EYS: variants seen among roughly 807,000 people sequenced by gnomAD.
The protein encoded by EYS is EGF-like photoreceptor maintenance factor.
EYS carries 250 observed loss-of-function variants against 282.1 expected under a neutral mutation model. That is an observed-to-expected ratio of 0.89 (90% confidence interval 0.80 to 0.98). The LOEUF is 0.98. Ranked by LOEUF, EYS falls within the 50% of genes least tolerant of loss-of-function variation. The probability of loss-of-function intolerance (pLI) is 0.00; values close to 1 mark genes in which losing one functional copy is unlikely to be tolerated. For missense variants in EYS, 4,016 were observed against 3,709.0 expected (o/e 1.08, Z -2.15); for synonymous variants, 1,355 against 1,282.9 (o/e 1.06, Z -1.20).
chr6:64,569,113 G>A (rs1184374449), intron 26 of EYS, among the ~76,000 whole-genome samples: 2 of 150,638 alleles, frequency 1.3e-5, no homozygotes, highest in African/African-American at 2.4e-5. Flanking sequence ...CTCCTTGCCA[G>A]GAAGGTCACA....
intron 16 of EYS, among the ~76,000 whole-genome samples, chr6:64,912,072 T>G (rs1414044178): frequency 6.6e-6 from 1 of 152,128 alleles, no homozygotes; most frequent in African/African-American, 2.4e-5. Flanking sequence ...AGAAGTAATA[T>G]TTTGATAGCT....
chr6:64,074,298 TTGAATC>T (rs930806016), intron 32 of EYS, among the ~76,000 whole-genome samples: 9 of 151,246 alleles, frequency 6.0e-5, no homozygotes, highest in Non-Finnish European at 1.3e-4. Context: ...TCTAAGAAGT[TTGAATC>T]TGATATATTA....
chr6:65,103,456 TTTCA>T (rs1166746743), intron 12 of EYS, among the ~76,000 whole-genome samples: 1 of 151,408 alleles, frequency 6.6e-6, no homozygotes, highest in African/African-American at 2.4e-5. Context: ...TCACTGACCT[TTTCA>T]TTCAAAAATT....
intron 26 of EYS, among the ~76,000 whole-genome samples, chr6:64,445,416 A>T (rs914443595): frequency 3.9e-5 from 6 of 152,202 alleles, no homozygotes; most frequent in African/African-American, 1.4e-4. Context: ...ACCTTCCTAA[A>T]TAGAAGAAAC....
chr6:65,652,563 TA>T (rs894459468), intron 1 of EYS, among the ~76,000 whole-genome samples: 4 of 151,910 alleles, frequency 2.6e-5, no homozygotes, highest in African/African-American at 9.7e-5. Context: ...GTAGTTAGTG[TA>T]AATATAGAGA....
chr6:64,629,912 C>G (rs955411922), intron 22 of EYS, among the ~76,000 whole-genome samples: 6 of 152,124 alleles, frequency 3.9e-5, no homozygotes, highest in Non-Finnish European at 8.8e-5. Flanking sequence ...TTATTGCACT[C>G]AGTAGGACTT....
At chr6:65,052,801 A>G (rs1773312172) in intron 13 of EYS, among the ~76,000 whole-genome samples, 1 of 151,754 alleles carries the variant, frequency 6.6e-6, no homozygotes, top group Non-Finnish European at 1.5e-5. Flanking sequence ...TGCTAAGTTC[A>G]GTTTCTAAGA....
chr6:63,955,244 A>G (rs1765766300), intron 35 of EYS, among the ~76,000 whole-genome samples: 1 of 151,988 alleles, frequency 6.6e-6, no homozygotes, highest in Admixed American at 6.6e-5. Context: ...CTGTCTAATC[A>G]TACTCTTATT....
chr6:65,411,504 T>C (rs1223942822), intron 5 of EYS, among the ~76,000 whole-genome samples: 1 of 152,050 alleles, frequency 6.6e-6, no homozygotes, highest in Non-Finnish European at 1.5e-5. Context: ...TAGCATAATA[T>C]TTGGGTATAG....
intron 30 of EYS, among the ~76,000 whole-genome samples, chr6:64,300,779 A>G (rs928910164): frequency 2.0e-5 from 3 of 152,160 alleles, no homozygotes; most frequent in Admixed American, 1.3e-4. Flanking sequence ...ATCTTTATTG[A>G]CTGCTTCTAT....
intron 35 of EYS, among the ~76,000 whole-genome samples, chr6:63,927,106 G>A (rs532155269): frequency 1.3e-5 from 2 of 152,328 alleles, no homozygotes; most frequent in African/African-American, 2.4e-5. Context: ...TTCTTAGTCT[G>A]TTCTGCTCTT....
intron 12 of EYS, among the ~76,000 whole-genome samples, chr6:65,135,677 T>C (rs1282134233): frequency 6.6e-6 from 1 of 151,978 alleles, no homozygotes; most frequent in Non-Finnish European, 1.5e-5. Context: ...TTTTTAAATC[T>C]AAAATCAGAT....
At chr6:65,612,922 A>C (rs2149796059) in intron 2 of EYS, among the ~76,000 whole-genome samples, 1 of 151,860 alleles carries the variant, frequency 6.6e-6, no homozygotes, top group East Asian at 1.9e-4. Flanking sequence ...CAATTTTATC[A>C]AAAATATGAA....
Position 64,628,092 on chromosome 6 carries a change from A to G in EYS, c.3444-1847T>C, listed in dbSNP as rs561069604. Among the ~76,000 whole-genome samples the G allele has an allele frequency of 2.6e-5, 4 of 151,932 alleles. No individual in the cohort carries two copies. The East Asian group carries it at 7.8e-4, about 30-fold the overall frequency. On this transcript the variant is annotated intron_variant, in intron 22 of 42. Coordinates refer to ENST00000503581, the MANE Select transcript of EYS (RefSeq NM_001142800.2). ...GAGACTCCGTCTCAAAAACAAAAAC[A>G]AACAAACAAACAAACAAACAAAGAC...
At chr6:65,506,508 T>G (rs1766665513) in intron 2 of EYS, among the ~76,000 whole-genome samples, 1 of 117,658 alleles carries the variant, frequency 8.5e-6, no homozygotes, top group Non-Finnish European at 1.7e-5. Context: ...TTTGGCAGAG[T>G]CTTGCTGTTG....
At chr6:65,520,113 C>T (rs1317832118) in intron 2 of EYS, among the ~76,000 whole-genome samples, 1 of 151,976 alleles carries the variant, frequency 6.6e-6, no homozygotes, top group Admixed American at 6.6e-5. Flanking sequence ...ATACATATCA[C>T]CCCCTCTGGC....
intron 13 of EYS, among the ~76,000 whole-genome samples, chr6:65,018,930 C>T (rs941002642): frequency 3.3e-5 from 5 of 151,696 alleles, no homozygotes; most frequent in African/African-American, 1.2e-4. Flanking sequence ...ATCATAGGTA[C>T]AAAAAAATTG....
chr6:65,231,201 A>T (rs1048861812), intron 12 of EYS, among the ~76,000 whole-genome samples: 2 of 144,816 alleles, frequency 1.4e-5, no homozygotes, highest in South Asian at 2.1e-4. Context: ...ATATATATAT[A>T]TTTTCTTTTC....
chr6:64,650,914 T>C (rs2149878199), intron 22 of EYS, among the ~76,000 whole-genome samples: 1 of 152,096 alleles, frequency 6.6e-6, no homozygotes, highest in South Asian at 2.1e-4. Context: ...ATATTAAAAA[T>C]AATAAAATAT....
Sources: gnomAD v4.1 joint callset for allele counts (sites outside exome capture counted in the v4.1 genomes callset) on GRCh38, gnomAD v4.1.1 for gene constraint, MANE v1.5 for transcripts, NCBI Gene and HGNC (gene_info 2026-07-23, HGNC 2026-07-21) for gene names.